VWA8: variants seen among roughly 807,000 people sequenced by gnomAD.
VWA8 encodes the protein von Willebrand factor A domain-containing protein 8.
Under a neutral mutation model 241.5 loss-of-function variants are expected in VWA8, and 221 were observed. The ratio of observed to expected loss-of-function variants is 0.91; its 90% confidence interval spans 0.82 to 1.02. The LOEUF (loss-of-function observed/expected upper bound fraction) is 1.02, where lower values mean the gene tolerates loss of function less well. Ranked by LOEUF, VWA8 falls within the 50% of genes least tolerant of loss-of-function variation. The probability of loss-of-function intolerance (pLI) is 0.00; values close to 1 mark genes in which losing one functional copy is unlikely to be tolerated. For missense variants in VWA8, 2,322 were observed against 2,328.7 expected, an observed-to-expected ratio of 1.00 and a Z score of 0.06; for synonymous variants, 852 against 827.1, an observed-to-expected ratio of 1.03 and a Z score of -0.52.
At chr13:41,874,070 C>A (rs1873777835) in intron 9 of VWA8, among the ~76,000 whole-genome samples, 1 of 151,642 alleles carries the variant, frequency 6.6e-6, no homozygotes, top group South Asian at 2.1e-4. Context: ...ATAAACAGAG[C>A]CAAAGACAAA....
intron 40 of VWA8, among the ~76,000 whole-genome samples, chr13:41,601,583 A>T (rs1325225089): frequency 1.3e-5 from 2 of 152,102 alleles, no homozygotes; most frequent in Non-Finnish European, 2.9e-5. Context: ...GTAAGAATGG[A>T]TGTTTTCTTT....
chr13:41,837,912 C>A (rs1871814354), intron 12 of VWA8, among the ~76,000 whole-genome samples: 1 of 152,136 alleles, frequency 6.6e-6, no homozygotes, highest in South Asian at 2.1e-4. Context: ...ATTTCCTTAA[C>A]ATTTTTAAAA....
At chr13:41,892,884 T>C (rs1299288946) in intron 4 of VWA8, among the ~76,000 whole-genome samples, 1 of 152,154 alleles carries the variant, frequency 6.6e-6, no homozygotes, top group Admixed American at 6.5e-5. Context: ...CCAAGCTCCT[T>C]AATTTGGCAT....
intron 40 of VWA8, among the ~76,000 whole-genome samples, chr13:41,591,255 G>C (rs1270042837): frequency 6.6e-6 from 1 of 152,134 alleles, no homozygotes; most frequent in Non-Finnish European, 1.5e-5. Flanking sequence ...TGAACATTTT[G>C]TACCCCACAA....
At chr13:41,960,827 G>T in intron 1 of VWA8, 26 bp downstream of exon 1, 1 of 1,511,002 alleles carries the variant, frequency 6.6e-7, no homozygotes, top group Non-Finnish European at 8.8e-7. Flanking sequence ...GGGCACCAGG[G>T]AGGACAGGGG....
intron 2 of VWA8, chr13:41,926,461 G>A (rs983394155): frequency 3.8e-6 from 2 of 524,934 alleles, no homozygotes; most frequent in African/African-American, 1.9e-5. Context: ...ACAATGCGCT[G>A]GACATGAGAA....
chr13:41,873,273 C>G (rs990949876), intron 9 of VWA8, among the ~76,000 whole-genome samples: 1 of 151,996 alleles, frequency 6.6e-6, no homozygotes, highest in Non-Finnish European at 1.5e-5. Context: ...ATTAAAAGAA[C>G]TAGAAAAGCA....
Position 41,690,227 on chromosome 13 carries a change from C to G in VWA8, c.3915G>C (p.Gly1305=), listed in dbSNP as rs1265612355. ...KPAHIESEGS[G]VCQLYVLKEE... is the part of the protein sequence containing the mutation. ...CTTTCAGCACATACAACTGGCAAAC[C>G]CCACTACCCTCAGATTCGATGTGTG... Residue 1305 remains glycine (G), a synonymous_variant, in exon 33 of 45, where the codon GGG becomes GGC. Coordinates refer to ENST00000379310, the MANE Select transcript of VWA8 (RefSeq NM_015058.2). 1 of 1,612,592 alleles carries G rather than the reference C, an allele frequency of 6.2e-7. No individual in the cohort carries two copies. The highest frequency in any genetic ancestry group is 8.5e-7 in the Non-Finnish European group (1 of 1,179,080).
rs1426743095 is a variant in VWA8 at position 41,830,532 on chromosome 13, T to C, written c.1697A>G (p.Lys566Arg). The part of the protein sequence containing the change: ...ELQLSDEQLQ[K>R]RSIFPIHPSF... ...GGAGTAATGGACCCCAAATTACCTC[T>C]TCTGTAGCTGTTCATCAGACAGTTG... Residue 566 changes from lysine (K) to arginine (R), a missense_variant, in exon 14 of 45, where the codon AAG becomes AGG. Coordinates refer to ENST00000379310, the MANE Select transcript of VWA8 (RefSeq NM_015058.2). 6.2e-7 allele frequency: 1 copy of C among 1,613,334 alleles called. No individual in the cohort carries two copies. The highest frequency in any genetic ancestry group is 8.5e-7 in the Non-Finnish European group (1 of 1,179,432).
At chr13:41,620,877 G>A (rs192923931) in intron 37 of VWA8, among the ~76,000 whole-genome samples, 27 of 152,182 alleles carry the variant, frequency 1.8e-4, no homozygotes, top group African/African-American at 4.1e-4. Flanking sequence ...TAAGTTCTCC[G>A]GACCTTCATT....
intron 42 of VWA8, 97 bp downstream of exon 42, chr13:41,587,415 G>A (rs1471590082): frequency 1.0e-5 from 15 of 1,498,824 alleles, no homozygotes; most frequent in Non-Finnish European, 1.4e-5. Context: ...GCTGGTGAGA[G>A]GATGAAGATT....
chr13:41,795,198 G>C (rs1316511585), intron 17 of VWA8, among the ~76,000 whole-genome samples: 1 of 151,048 alleles, frequency 6.6e-6, no homozygotes, highest in Non-Finnish European at 1.5e-5. Context: ...ATGAAAAAAA[G>C]CTCAACATCA....
intron 33 of VWA8, among the ~76,000 whole-genome samples, chr13:41,689,743 T>G (rs749702320): frequency 5.1e-4 from 77 of 152,126 alleles, no homozygotes; most frequent in Non-Finnish European, 7.1e-4. Context: ...GAATAAATAT[T>G]ATAATTAATA....
At chr13:41,813,402 T>TA (rs35233539) in intron 16 of VWA8, among the ~76,000 whole-genome samples, 35,536 of 152,050 alleles carry the variant, frequency 0.23, 4,889 homozygotes, top group South Asian at 0.3. Flanking sequence ...GTATTGAGGA[T>TA]AAAATTCAGG....
chr13:41,766,947 T>G (rs561879675), intron 20 of VWA8, among the ~76,000 whole-genome samples: 1 of 152,264 alleles, frequency 6.6e-6, no homozygotes, highest in Admixed American at 6.5e-5. Flanking sequence ...TTATCTAAGG[T>G]TCAGAAGGGA....
chr13:41,673,025 T>A (rs35236275), intron 36 of VWA8, among the ~76,000 whole-genome samples: 145 of 152,278 alleles, frequency 9.5e-4, no homozygotes, highest in Non-Finnish European at 1.7e-3. Context: ...TTAAAAAAAA[T>A]TACTGAAGAA....
intron 4 of VWA8, among the ~76,000 whole-genome samples, chr13:41,903,481 A>G (rs1020701318): frequency 5.3e-5 from 8 of 152,178 alleles, no homozygotes. Flanking sequence ...CTCTGGAGAT[A>G]ATATCATGTA....
chr13:41,664,430 T>TGTGTGTGTG, intron 37 of VWA8, among the ~76,000 whole-genome samples: 2 of 150,016 alleles, frequency 1.3e-5, no homozygotes, highest in African/African-American at 2.5e-5. Context: ...TGTGTGTGTG[T>TGTGTGTGTG]TCCATTTGTT....
rs1197548575 is a variant in VWA8 at position 41,727,246 on chromosome 13, C to T, written c.2706G>A (p.Leu902=). 1 of 1,552,470 alleles carries T rather than the reference C, an allele frequency of 6.4e-7. No individual in the cohort carries two copies. Residue 902 remains leucine (L), a synonymous_variant, in exon 24 of 45, where the codon CTG becomes CTA. Transcript: ENST00000379310. ...GGAAAGGAAATCCAGGTCTATTTGCCAGAACAATCATCCTAAAATCAGGAT... is the reference window on the plus strand; with the variant it reads ...GGAAAGGAAATCCAGGTCTATTTGCTAGAACAATCATCCTAAAATCAGGAT... The part of the protein sequence containing the change: ...VIHPDFRMIV[L]ANRPGFPFLG...
Sources: allele counts gnomAD v4.1 joint callset (sites outside exome capture counted in the v4.1 genomes callset), GRCh38; gene constraint gnomAD v4.1.1; transcripts MANE v1.5; gene names NCBI Gene and HGNC (gene_info 2026-07-23, HGNC 2026-07-21).